The following HTT variants were observed in gnomAD, a reference collection of about 807,000 sequenced individuals.
The protein encoded by HTT is huntingtin.
A neutral mutation model predicts 362.3 loss-of-function variants in HTT; 104 were observed. The observed-to-expected ratio is 0.29, with a 90% CI of 0.24 to 0.34. The LOEUF is 0.34. Among genes scored for constraint, HTT ranks in the 10% least tolerant of loss-of-function variants. The pLI, the probability that HTT is intolerant of heterozygous loss-of-function variation, is 1.00. For missense variants in HTT, 3,301 were observed against 3,928.6 expected (o/e 0.84, Z 4.27); for synonymous variants, 1,577 against 1,548.7 (o/e 1.02, Z -0.43).
chr4:3,239,579 C>T (rs28607448), intron 66 of HTT, among the ~76,000 whole-genome samples: 10,009 of 152,308 alleles, frequency 0.066, 380 homozygotes, highest in Middle Eastern at 0.1. Flanking sequence ...AAGCACCGGC[C>T]ACCAGCGCTG....
At chr4:3,075,392 A>G (rs941080556) in intron 1 of HTT, among the ~76,000 whole-genome samples, 1 of 152,212 alleles carries the variant, frequency 6.6e-6, no homozygotes, top group Non-Finnish European at 1.5e-5. Flanking sequence ...CGCCCTTCGC[A>G]GGATGCGAAG....
intron 21 of HTT, among the ~76,000 whole-genome samples, chr4:3,139,801 C>T (rs1009994596): frequency 2.0e-5 from 3 of 152,206 alleles, no homozygotes; most frequent in Admixed American, 6.5e-5. Flanking sequence ...AGGAATGCAG[C>T]TGGCATTCAG....
Position 3,174,723 on chromosome 4 carries a change from G to T in HTT, c.4169G>T (p.Trp1390Leu), listed in dbSNP as rs1167121677. The change falls in exon 32 of 67, where the codon TGG (tryptophan) becomes TTG (leucine). Residue 1390 changes from tryptophan (W) to leucine (L), a missense_variant and splice_region_variant. By Grantham distance (61) the Trp-to-Leu change is moderately conservative. Coordinates refer to ENST00000355072, the MANE Select transcript of HTT (RefSeq NM_001388492.1). ...TCCCTTTTATTCCCATTTGGCAGAT[G>T]GTTTGATGTCCTCCAGAAAGTGTCT... The part of the protein sequence containing the change: ...QAEQENDTSG[W>L]FDVLQKVSTQ... The T allele has an allele frequency of 6.2e-6, 10 of 1,611,792 alleles. No homozygotes were observed. Among genetic ancestry groups the T allele is most frequent in the Non-Finnish European group, 8.5e-6 (10 of 1,178,050 alleles).
rs1006105659 is a variant in HTT at position 3,213,923 on chromosome 4, G to A, written c.6775-35G>A. 6.1e-6 allele frequency: 9 copies of A among 1,482,498 alleles called. No individual in the cohort carries two copies. In the African/African-American group the frequency reaches 8.5e-5, roughly 14 times the overall value. 91.8% of individuals were successfully genotyped at this position (1,482,498 alleles called of 1,614,324 possible). A position where few individuals can be genotyped will look rare whatever the true frequency, so the allele number is the denominator to read the frequency against. On this transcript the variant is annotated intron_variant, in intron 49 of 66. Transcript: ENST00000355072. The stretch of plus-strand genomic sequence containing the variant: ...ACGGCTTCCCCAAACGAAGGTACAC[G>A]AGTGGGCATTCTGTGACTCGGTACT...
Position 3,209,980 on chromosome 4 carries a change from C to G in HTT, c.6414+31C>G, listed in dbSNP as rs776323220. Reference sequence around the variant, plus strand: ...GGGGGAGCAGTGGAGGCAAGGAATCCTCAGCTTTTCTTGTGACTTCCAAGT... The same window carrying G: ...GGGGGAGCAGTGGAGGCAAGGAATCGTCAGCTTTTCTTGTGACTTCCAAGT... On this transcript the variant is annotated intron_variant, in intron 47 of 66. Coordinates refer to ENST00000355072, the MANE Select transcript of HTT (RefSeq NM_001388492.1). The G allele has an allele frequency of 1.7e-5, 27 of 1,608,000 alleles. 1 individual carries two copies. Among genetic ancestry groups the G allele is most frequent in the Middle Eastern group, 3.3e-4 (2 of 6,062 alleles).
In HTT at chr4:3,127,678, TG is replaced by T. The variant is rs1164097944; in HGVS notation, c.1743+76del. 3.8e-5 allele frequency: 43 copies of T among 1,143,272 alleles called. No individual in the cohort carries two copies. In the African/African-American group the frequency reaches 6.1e-4, roughly 16 times the overall value. 70.8% of individuals were successfully genotyped at this position (1,143,272 alleles called of 1,614,324 possible). The stretch of plus-strand genomic sequence containing the variant: ...GACAGAGTCTCACTCCATAGTGCAG[TG>T]GAGGCCGGGCACAGGGGCTCATGCC... On this transcript the variant is annotated intron_variant, in intron 12 of 66. Coordinates refer to ENST00000355072, the MANE Select transcript of HTT (RefSeq NM_001388492.1).
chr4:3,176,422 C>T (rs1338404728), intron 33 of HTT, among the ~76,000 whole-genome samples: 6 of 152,154 alleles, frequency 3.9e-5, no homozygotes, highest in Admixed American at 3.9e-4. Flanking sequence ...CGAAGAAAAT[C>T]CGTCTAAATG....
At position 3,218,033 on chromosome 4, in the gene HTT, C is replaced by T. The variant is rs536636323; in HGVS notation, c.7242+81C>T. On this transcript the variant is annotated intron_variant, in intron 52 of 66. Coordinates refer to ENST00000355072, the MANE Select transcript of HTT (RefSeq NM_001388492.1). This position sits in a 1 kb window ranked among gnomAD's most constrained non-coding sequence, Gnocchi z 4.4. ...CCTGGGCTGGGCACACGTGAGAGGG[C>T]GGGACAGAATCCCCGCAGCCCAGAG... is the stretch of plus-strand genomic sequence containing the variant. 300 of 1,241,234 alleles carry T rather than the reference C, an allele frequency of 2.4e-4. No homozygotes were observed. The highest frequency in any genetic ancestry group is 2.5e-4 in the Non-Finnish European group (229 of 901,370). 76.9% of individuals were successfully genotyped at this position (1,241,234 alleles called of 1,614,324 possible).
chr4:3,111,413 C>T (rs572113914), intron 6 of HTT, among the ~76,000 whole-genome samples: 1 of 152,070 alleles, frequency 6.6e-6, no homozygotes, highest in Non-Finnish European at 1.5e-5. Flanking sequence ...AGGCTGGTCT[C>T]GAACGCCTGA....
intron 46 of HTT, among the ~76,000 whole-genome samples, chr4:3,209,312 C>T (rs192427559): frequency 1.3e-5 from 2 of 152,330 alleles, no homozygotes; most frequent in African/African-American, 4.8e-5. Context: ...ACTGCTCATA[C>T]CTCATGGTTA....
In HTT at chr4:3,086,919, CTTCT is replaced by C. The variant is rs767027526; in HGVS notation, c.264-17_264-14del. The C allele has an allele frequency of 2.8e-6, 4 of 1,439,506 alleles. No individual in the cohort carries two copies. The highest frequency in any genetic ancestry group is 3.9e-6 in the Non-Finnish European group (4 of 1,023,848). The allele number at this position is 1,439,506 out of a possible 1,614,324, so 89.2% of individuals were successfully genotyped here. On this transcript the variant is annotated splice_polypyrimidine_tract_variant and intron_variant, in intron 1 of 66. Coordinates refer to ENST00000355072, the MANE Select transcript of HTT (RefSeq NM_001388492.1). Reference sequence around the variant, plus strand: ...GGGTAATTCAACACATATTAATTTCCTTCTTTTTTTTATTTTTAGAAAGAAAGAA... The same window carrying C: ...GGGTAATTCAACACATATTAATTTCCTTTTTTTATTTTTAGAAAGAAAGAA...
chr4:3,232,517 A>C (rs2110299024), intron 60 of HTT, among the ~76,000 whole-genome samples: 1 of 152,350 alleles, frequency 6.6e-6, no homozygotes, highest in Middle Eastern at 3.4e-3. Flanking sequence ...TTGGATACTA[A>C]GTGAAATTGA....
chr4:3,153,025 A>T (rs948434527), intron 26 of HTT, among the ~76,000 whole-genome samples: 1 of 152,016 alleles, frequency 6.6e-6, no homozygotes, highest in African/African-American at 2.4e-5. Flanking sequence ...CATTCATCCT[A>T]TTATGGTTTA....
chr4:3,197,823 A>G (rs1390625295), intron 40 of HTT, among the ~76,000 whole-genome samples: 6 of 152,054 alleles, frequency 3.9e-5, no homozygotes, highest in Non-Finnish European at 7.4e-5. Flanking sequence ...GTGGGTTTCT[A>G]TTACCTGTTC....
chr4:3,112,926 A>T, intron 6 of HTT: 1 of 430,732 alleles, frequency 2.3e-6, no homozygotes, highest in Non-Finnish European at 3.1e-6. Context: ...TGATGCTTTT[A>T]CTCTTAGCCT....
chr4:3,132,099 A>C (rs1455721891), intron 16 of HTT, among the ~76,000 whole-genome samples: 1 of 152,180 alleles, frequency 6.6e-6, no homozygotes, highest in African/African-American at 2.4e-5. Context: ...AGGCATTCAC[A>C]CTCAGGGTGA....
At chr4:3,154,703 G>A (rs968915376) in intron 27 of HTT, among the ~76,000 whole-genome samples, 8 of 152,226 alleles carry the variant, frequency 5.3e-5, no homozygotes, top group Admixed American at 2.0e-4. Context: ...ATGCTTCCCT[G>A]GTTGCAGGTG....
At chr4:3,214,284 C>G in intron 50 of HTT, 149 bp downstream of exon 50, 1 of 511,106 alleles carries the variant, frequency 2.0e-6, no homozygotes, top group East Asian at 3.5e-5. Flanking sequence ...GGGCTGGGCC[C>G]CATCTCTTAC....
intron 49 of HTT, among the ~76,000 whole-genome samples, chr4:3,213,572 C>G (rs1720260761): frequency 6.6e-6 from 1 of 152,208 alleles, no homozygotes; most frequent in Non-Finnish European, 1.5e-5. Context: ...CATTTGAACC[C>G]AAGGCCTGCT....
Sources: allele counts gnomAD v4.1 joint callset (sites outside exome capture counted in the v4.1 genomes callset), GRCh38; gene constraint gnomAD v4.1.1; non-coding constraint Gnocchi (gnomAD v3.1); transcripts MANE v1.5; gene names NCBI Gene and HGNC (gene_info 2026-07-23, HGNC 2026-07-21).